SNX29: variants seen among roughly 807,000 people sequenced by gnomAD.
SNX29 encodes sorting nexin 29, also known as sorting nexin-29.
In SNX29, 78 loss-of-function variants were observed where a neutral mutation model predicts 102.1. The ratio of observed to expected loss-of-function variants is 0.76; its 90% confidence interval spans 0.64 to 0.92. SNX29 has a LOEUF of 0.92. SNX29 is among the 40% of genes least tolerant of loss of function. The probability of loss-of-function intolerance (pLI) is 0.00; values close to 1 mark genes in which losing one functional copy is unlikely to be tolerated. For synonymous variants in SNX29, 580 were observed against 414.5 expected, an observed-to-expected ratio of 1.40 and a Z score of -4.85; for missense variants, 1,280 against 1,061.7, an observed-to-expected ratio of 1.21 and a Z score of -2.86.
intron 18 of SNX29, among the ~76,000 whole-genome samples, chr16:12,410,682 C>G (rs1264556915): frequency 1.3e-5 from 2 of 152,168 alleles, no homozygotes; most frequent in African/African-American, 2.4e-5. Context: ...GATCTTCCCA[C>G]TTGGGCCTCC....
intron 15 of SNX29, among the ~76,000 whole-genome samples, chr16:12,316,725 C>A (rs1332059702): frequency 6.6e-6 from 1 of 152,146 alleles, no homozygotes; most frequent in East Asian, 1.9e-4. Context: ...TCCTTCTCTC[C>A]CATCCCTCCT....
intron 15 of SNX29, among the ~76,000 whole-genome samples, chr16:12,302,090 G>C (rs2080190995): frequency 6.6e-6 from 1 of 152,194 alleles, no homozygotes; most frequent in South Asian, 2.1e-4. Flanking sequence ...TCAGAATCTA[G>C]AATGTGTGTG....
rs1379323277 is a variant in SNX29 at position 12,569,348 on chromosome 16, C to G, written c.*719C>G. On this transcript the variant is annotated 3_prime_UTR_variant, in exon 21 of 21. Transcript: ENST00000566228. ...TCCATAGCCTGAGGCCACCTAGGCC[C>G]TCGCCAGGCTTGGAGTGGGGGGACT... 4.3e-6 allele frequency: 1 copy of G among 230,478 alleles called. No homozygotes were observed. The highest frequency in any genetic ancestry group is 8.6e-6 in the Non-Finnish European group (1 of 116,266). 14.3% of individuals were successfully genotyped at this position (230,478 alleles called of 1,614,324 possible).
chr16:12,574,215 T>A lies in SNX29; in HGVS notation c.*5586T>A, dbSNP rs1398383241. On this transcript the variant is annotated 3_prime_UTR_variant, in exon 21 of 21. Transcript: ENST00000566228. ...TTTGGAATAAGCTGTGGAAATTTTG[T>A]TACAACCTGGTTGAGATCAACCTCT... 2 of 177,820 alleles carry A rather than the reference T, an allele frequency of 1.1e-5. No individual in the cohort carries two copies. The highest frequency in any genetic ancestry group is 2.4e-5 in the Non-Finnish European group (2 of 82,764). The allele number at this position is 177,820 out of a possible 1,614,324, so 11.0% of individuals were successfully genotyped here. A position where few individuals can be genotyped will look rare whatever the true frequency, so the allele number is the denominator to read the frequency against.
intron 19 of SNX29, among the ~76,000 whole-genome samples, chr16:12,479,815 C>T (rs893595739): frequency 1.3e-5 from 2 of 152,068 alleles, no homozygotes; most frequent in South Asian, 2.1e-4. Flanking sequence ...AGCTTCTTCA[C>T]GGAATCTGCC....
intron 13 of SNX29, among the ~76,000 whole-genome samples, chr16:12,198,556 G>C (rs2076836174): frequency 2.0e-5 from 3 of 152,200 alleles, no homozygotes; most frequent in African/African-American, 7.2e-5. Context: ...TTAGACTCAA[G>C]ACCTGAGGTG....
intron 15 of SNX29, among the ~76,000 whole-genome samples, chr16:12,306,124 C>T (rs564455029): frequency 1.3e-5 from 2 of 151,498 alleles, no homozygotes; most frequent in African/African-American, 4.9e-5. Context: ...TCCTCTGAAC[C>T]TCCATTTCCC....
At chr16:11,980,172 C>T (rs1486430681) in intron 1 of SNX29, among the ~76,000 whole-genome samples, 2 of 152,084 alleles carry the variant, frequency 1.3e-5, no homozygotes, top group Non-Finnish European at 2.9e-5. Context: ...ATTCATCTTT[C>T]CCCCTCCCCT....
intron 11 of SNX29, among the ~76,000 whole-genome samples, chr16:12,108,146 A>C (rs899666145): frequency 6.6e-6 from 1 of 152,158 alleles, no homozygotes; most frequent in Non-Finnish European, 1.5e-5. Flanking sequence ...CTCTTTTTGG[A>C]CAATCTTTAG....
intron 19 of SNX29, among the ~76,000 whole-genome samples, chr16:12,495,444 G>C (rs1479301767): frequency 6.6e-6 from 1 of 152,148 alleles, no homozygotes; most frequent in South Asian, 2.1e-4. Flanking sequence ...CACCATGCCT[G>C]GCGTCATCTG....
intron 15 of SNX29, among the ~76,000 whole-genome samples, chr16:12,286,782 C>T (rs1012754121): frequency 3.9e-5 from 6 of 152,116 alleles, no homozygotes; most frequent in South Asian, 2.1e-4. Context: ...ATCTGTATCC[C>T]GTCCCACCCA....
chr16:12,124,127 G>GTTA (rs2054102733), intron 11 of SNX29, among the ~76,000 whole-genome samples: 1 of 152,194 alleles, frequency 6.6e-6, no homozygotes, highest in African/African-American at 2.4e-5. Flanking sequence ...GGAGGCCGAG[G>GTTA]CATGTGGATC....
rs556690179 is a variant in SNX29 at position 12,042,983 on chromosome 16, G to A, written c.334G>A (p.Val112Met). 12 of 1,613,812 alleles carry A rather than the reference G, an allele frequency of 7.4e-6. No homozygotes were observed. Among genetic ancestry groups the A allele is most frequent in the Middle Eastern group, 1.7e-4 (1 of 5,946 alleles). The change falls in exon 5 of 21, where the codon GTG (valine) becomes ATG (methionine). Residue 112 changes from valine (V) to methionine (M), a missense_variant. Val to Met is a conservative substitution (Grantham distance 21). Transcript: ENST00000566228. ...CTCCCTGCGCCACATCGCCTCAGACGTGGGCCGGGGTCGCGCCTGGCTGCG... is the reference window on the plus strand; with the variant it reads ...CTCCCTGCGCCACATCGCCTCAGACATGGGCCGGGGTCGCGCCTGGCTGCG... ...FYSLRHIASD[V>M]GRGRAWLRCA... is the part of the protein sequence containing the mutation.
chr16:12,156,598 T>G (rs2055560521), intron 13 of SNX29, among the ~76,000 whole-genome samples: 1 of 152,234 alleles, frequency 6.6e-6, no homozygotes, highest in Admixed American at 6.5e-5. Context: ...GGCTCTGGTG[T>G]GCAGGAAGGT....
At position 12,002,981 on chromosome 16, in the gene SNX29, T is replaced by C. The variant is rs912282861; in HGVS notation, c.70-10T>C. The C allele has an allele frequency of 6.2e-7, 1 of 1,614,102 alleles. No individual in the cohort carries two copies. The highest frequency in any genetic ancestry group is 1.7e-5 in the Admixed American group (1 of 60,004). Reference sequence around the variant, plus strand: ...AACAGCTGATCTCAGCAGCTTCTTTTTCTGTGCAGTGCCAGATCCGCTTTG... The same window carrying C: ...AACAGCTGATCTCAGCAGCTTCTTTCTCTGTGCAGTGCCAGATCCGCTTTG... On this transcript the variant is annotated splice_polypyrimidine_tract_variant and intron_variant, in intron 2 of 20. Transcript: ENST00000566228.
chr16:12,459,569 G>T (rs566729046), intron 18 of SNX29, among the ~76,000 whole-genome samples: 55 of 152,194 alleles, frequency 3.6e-4, no homozygotes, highest in Non-Finnish European at 5.9e-4. Flanking sequence ...GACCATGCGG[G>T]ATTATGCCTC....
chr16:12,457,880 C>T (rs1488725132), intron 18 of SNX29, among the ~76,000 whole-genome samples: 3 of 152,122 alleles, frequency 2.0e-5, no homozygotes, highest in African/African-American at 4.8e-5. Context: ...AATTTGATTG[C>T]GTGGGGAGAC....
chr16:12,032,469 G>T (rs1471361319), intron 4 of SNX29, among the ~76,000 whole-genome samples: 2 of 152,002 alleles, frequency 1.3e-5, no homozygotes, highest in Non-Finnish European at 2.9e-5. Context: ...GCCTCCCAAA[G>T]TGCTGTGATT....
In SNX29 at chr16:12,072,765, G is replaced by C. The variant is rs539362699; in HGVS notation, c.1319+3633G>C. Among the ~76,000 whole-genome samples, 1,049 of 150,520 alleles carry C rather than the reference G, an allele frequency of 7.0e-3. 16 individuals are homozygous for C. The highest frequency in any genetic ancestry group is 0.025 in the African/African-American group (1,001 of 39,896). On this transcript the variant is annotated intron_variant, in intron 10 of 20. Coordinates refer to ENST00000566228, the MANE Select transcript of SNX29 (RefSeq NM_032167.5). ...ATGGTACCAGTTCCTCCTTGTACCTGTCGTAGAATTCGGCTGTGAATCCAT... is the reference window on the plus strand; with the variant it reads ...ATGGTACCAGTTCCTCCTTGTACCTCTCGTAGAATTCGGCTGTGAATCCAT...
Sources: allele counts gnomAD v4.1 joint callset (sites outside exome capture counted in the v4.1 genomes callset), GRCh38; gene constraint gnomAD v4.1.1; transcripts MANE v1.5; gene names NCBI Gene and HGNC (gene_info 2026-07-23, HGNC 2026-07-21).